The following MRTFA variants were observed in gnomAD, a reference collection of about 807,000 sequenced individuals.
MRTFA encodes the protein myocardin related transcription factor A.
In MRTFA, 20 loss-of-function variants were observed where a neutral mutation model predicts 83.5. The ratio of observed to expected loss-of-function variants is 0.24; its 90% CI spans 0.17 to 0.35. The LOEUF (loss-of-function observed/expected upper bound fraction) is 0.35, where lower values mean the gene tolerates loss of function less well. Ranked by LOEUF, MRTFA falls within the 10% of genes least tolerant of loss-of-function variation. The pLI is 1.00. For synonymous variants in MRTFA, 659 were observed against 541.2 expected (o/e 1.22, Z -3.02); for missense variants, 1,200 against 1,224.7 (o/e 0.98, Z 0.30).
chr22:40,471,965 C>G (rs922091744), intron 3 of MRTFA, among the ~76,000 whole-genome samples: 1 of 152,192 alleles, frequency 6.6e-6, no homozygotes, highest in African/African-American at 2.4e-5. Context: ...TTTAATGAAG[C>G]TGGTATTATT....
At chr22:40,430,584 C>T (rs1247068980) in intron 6 of MRTFA, among the ~76,000 whole-genome samples, 4 of 151,774 alleles carry the variant, frequency 2.6e-5, no homozygotes, top group Non-Finnish European at 4.4e-5. Flanking sequence ...GACAGCTATG[C>T]GCAGTGGCTC....
rs557508013 is a variant in MRTFA, at chr22:40,458,745, G to A, written c.307+4476C>T. The stretch of plus-strand genomic sequence containing the variant: ...CTTGAGGGCTCTGCCTACCTCCTAA[G>A]TTGTACAACAAACTTAAATCTGAGA... On this transcript the variant is annotated intron_variant, in intron 4 of 14. Transcript: ENST00000355630. Among the ~76,000 whole-genome samples the A allele has an allele frequency of 2.8e-4, 43 of 152,248 alleles. 1 individual carries two copies. The highest frequency in any genetic ancestry group is 6.8e-3 in the Middle Eastern group (2 of 294).
chr22:40,439,273 C>G (rs1341886517), intron 4 of MRTFA, among the ~76,000 whole-genome samples: 1 of 152,078 alleles, frequency 6.6e-6, no homozygotes, highest in African/African-American at 2.4e-5. Flanking sequence ...GAGGCTGAGG[C>G]AGGTCTATCA....
At chr22:40,459,832 T>TATATATATATATATATATAC (rs2053674583) in intron 4 of MRTFA, among the ~76,000 whole-genome samples, 1 of 61,542 alleles carries the variant, frequency 1.6e-5, no homozygotes, top group African/African-American at 5.7e-5. Flanking sequence ...CATATATACA[T>TATATATATATATATATATAC]ATATATATAT....
chr22:40,599,331 C>G (rs1447837241), intron 1 of MRTFA, among the ~76,000 whole-genome samples: 2 of 152,070 alleles, frequency 1.3e-5, no homozygotes, highest in Non-Finnish European at 2.9e-5. Context: ...CATTAGAAAA[C>G]TATAGCAATT....
At chr22:40,584,266 C>T (rs998264569) in intron 2 of MRTFA, among the ~76,000 whole-genome samples, 3 of 152,194 alleles carry the variant, frequency 2.0e-5, no homozygotes, top group Non-Finnish European at 2.9e-5. Context: ...GGGTTGTAAG[C>T]AATTTGCCCA....
intron 4 of MRTFA, among the ~76,000 whole-genome samples, chr22:40,447,927 G>A (rs2053412168): frequency 6.6e-6 from 1 of 152,118 alleles, no homozygotes; most frequent in African/African-American, 2.4e-5. Flanking sequence ...GATATGCCCG[G>A]TGTGGTTGTA....
chr22:40,558,059 A>C (rs1226866413), intron 2 of MRTFA, among the ~76,000 whole-genome samples: 1 of 147,812 alleles, frequency 6.8e-6, no homozygotes, highest in Non-Finnish European at 1.5e-5. Flanking sequence ...CAGGCATGAG[A>C]GCTCACCGAG....
chr22:40,420,301 G>A, intron 11 of MRTFA, 104 bp downstream of exon 11: 2 of 1,315,636 alleles, frequency 1.5e-6, no homozygotes, highest in East Asian at 4.7e-5. Context: ...CCATGACGGT[G>A]GGTCCTAGGC....
At position 40,463,304 on chromosome 22, in the gene MRTFA, G is replaced by A. The variant is rs766585219; in HGVS notation, c.242-18C>T. Reference sequence around the variant, plus strand: ...CTGTAGCACTGCAGGGCAGCAGAGAGAGAGGAGAGATGAGGGGTCAGTTGG... The same window carrying A: ...CTGTAGCACTGCAGGGCAGCAGAGAAAGAGGAGAGATGAGGGGTCAGTTGG... On this transcript the variant is annotated intron_variant, in intron 3 of 14. Coordinates refer to ENST00000355630, the MANE Select transcript of MRTFA (RefSeq NM_020831.6). The A allele has an allele frequency of 5.0e-6, 8 of 1,611,838 alleles. No homozygotes were observed. In the East Asian group the frequency reaches 1.1e-4, roughly 22 times the overall value.
chr22:40,417,522 T>G, intron 12 of MRTFA, 29 bp from the exon 13 acceptor site: 4 of 1,088,902 alleles, frequency 3.7e-6, no homozygotes, highest in East Asian at 7.3e-5. Flanking sequence ...AGAGGACCAG[T>G]GGCCAGGGGG....
At chr22:40,634,110 G>A (rs1364119519) in intron 1 of MRTFA, among the ~76,000 whole-genome samples, 2 of 124,492 alleles carry the variant, frequency 1.6e-5, no homozygotes, top group African/African-American at 2.9e-5. Flanking sequence ...TTTTTTTTTT[G>A]AGACAGGGTC....
chr22:40,556,587 C>A (rs1428742723), intron 2 of MRTFA, among the ~76,000 whole-genome samples: 1 of 152,090 alleles, frequency 6.6e-6, no homozygotes, highest in Admixed American at 6.6e-5. Flanking sequence ...TGAGCATGGG[C>A]AAACAATGGG....
intron 3 of MRTFA, among the ~76,000 whole-genome samples, chr22:40,478,161 G>A (rs1252986089): frequency 6.6e-6 from 1 of 152,134 alleles, no homozygotes; most frequent in Non-Finnish European, 1.5e-5. Context: ...TGGAGGTGAA[G>A]AAAGGAAAGT....
At chr22:40,500,828 A>T (rs1350935146) in intron 3 of MRTFA, among the ~76,000 whole-genome samples, 1 of 151,456 alleles carries the variant, frequency 6.6e-6, no homozygotes, top group Non-Finnish European at 1.5e-5. Flanking sequence ...CCGATTTCTC[A>T]ATCTTTTCCC....
rs1306884936 is a variant in MRTFA at position 40,548,866 on chromosome 22, A to AAT, written c.241+3238_241+3239dup. 4.0e-5 allele frequency among the ~76,000 whole-genome samples: 6 copies of AAT among 151,858 alleles called. No homozygotes were observed. The East Asian group carries it at 7.7e-4, about 19-fold the overall frequency. Reference sequence around the variant, plus strand: ...CAACAGAGTGAGACTCTGTCTCAAAAATATATATATACCACTTACATCTAC... The same window carrying AAT: ...CAACAGAGTGAGACTCTGTCTCAAAAATATATATATATACCACTTACATCTAC... On this transcript the variant is annotated intron_variant, in intron 3 of 14. Transcript: ENST00000355630.
At chr22:40,519,325 CCTT>C in intron 3 of MRTFA, 1 of 879,102 alleles carries the variant, frequency 1.1e-6, no homozygotes. Context: ...TAGAGATGGT[CCTT>C]CTCACTTAGA....
intron 1 of MRTFA, among the ~76,000 whole-genome samples, chr22:40,629,367 A>T (rs1170443042): frequency 6.6e-6 from 1 of 151,480 alleles, no homozygotes; most frequent in Non-Finnish European, 1.5e-5. Flanking sequence ...AATGGCTTGA[A>T]CCCGGGAGAC....
chr22:40,587,666 T>TG (rs1288515548), intron 2 of MRTFA: 1 of 319,816 alleles, frequency 3.1e-6, no homozygotes, highest in Non-Finnish European at 6.2e-6. Flanking sequence ...CACTCTACAG[T>TG]GCCAACAGTG....
Sources: allele counts gnomAD v4.1 joint callset (sites outside exome capture counted in the v4.1 genomes callset), GRCh38; gene constraint gnomAD v4.1.1; transcripts MANE v1.5; gene names NCBI Gene and HGNC (gene_info 2026-07-23, HGNC 2026-07-21).